Variants in ZNF148 observed in about 807,000 individuals in gnomAD.
ZNF148 encodes zinc finger protein 148, also known as Beta-Enolase Repressor Factor-1.
In ZNF148, 7 loss-of-function variants were observed where a neutral mutation model predicts 67.7. That is an observed-to-expected ratio of 0.10 (90% confidence interval 0.06 to 0.19). The LOEUF is 0.19. ZNF148 is among the 10% of genes least tolerant of loss of function. The pLI is 1.00. For synonymous variants in ZNF148, 333 were observed against 330.7 expected (o/e 1.01, Z -0.08); for missense variants, 583 against 947.1 (o/e 0.62, Z 5.05).
At position 125,262,142 on chromosome 3, in the gene ZNF148, G is replaced by T. The variant is rs376405917; in HGVS notation, c.667+15584C>A. Among the ~76,000 whole-genome samples, 30 of 152,234 alleles carry T rather than the reference G, an allele frequency of 2.0e-4. 4 individuals are homozygous for T. The highest frequency in any genetic ancestry group is 1.4e-3 in the Admixed American group (21 of 15,282). ...TTTTATGCATTTCATCTTTGAAACC[G>T]TCTTGTCACAAAGACAGATACTGAT... On this transcript the variant is annotated intron_variant, in intron 7 of 8. Coordinates refer to ENST00000360647, the MANE Select transcript of ZNF148 (RefSeq NM_021964.3).
rs1341044613 is a variant in ZNF148, at chr3:125,232,530, G to C, written c.2196C>G (p.Pro732=). ...QAYQMSSFEQ[P]FRAPYHGSRA... ...TTGATCCATGATAGGGAGCACGGAA[G>C]GGCTGTTCAAAGGAGCTCATTTGGT... Residue 732 remains proline (P), a synonymous_variant, in exon 9 of 9, where the codon CCC becomes CCG. Coordinates refer to ENST00000360647, the MANE Select transcript of ZNF148 (RefSeq NM_021964.3). This position sits in a 1 kb window ranked among gnomAD's most constrained non-coding sequence, Gnocchi z 4.2. 1 of 1,613,702 alleles carries C rather than the reference G, an allele frequency of 6.2e-7. No individual in the cohort carries two copies. The highest frequency in any genetic ancestry group is 1.1e-5 in the South Asian group (1 of 91,066).
intron 7 of ZNF148, among the ~76,000 whole-genome samples, chr3:125,262,988 ATGTATTT>A (rs1490481538): frequency 3.3e-5 from 5 of 152,240 alleles, no homozygotes; most frequent in Non-Finnish European, 7.3e-5. Context: ...TCTGTTCCAC[ATGTATTT>A]TTTTTCCCAC....
At chr3:125,371,837 GGT>G (rs1942898606) in intron 1 of ZNF148, among the ~76,000 whole-genome samples, 2 of 151,814 alleles carry the variant, frequency 1.3e-5, no homozygotes, top group Non-Finnish European at 2.9e-5. Context: ...GACGGAGGCG[GGT>G]AGATCACGAG....
intron 4 of ZNF148, among the ~76,000 whole-genome samples, chr3:125,306,600 A>G (rs1939891471): frequency 6.6e-6 from 1 of 152,180 alleles, no homozygotes; most frequent in South Asian, 2.1e-4. Context: ...TAAAATTTGT[A>G]ATTTAAAACC....
chr3:125,271,890 C>CT (rs907625030), intron 7 of ZNF148, among the ~76,000 whole-genome samples: 2 of 152,184 alleles, frequency 1.3e-5, no homozygotes, highest in African/African-American at 4.8e-5. Flanking sequence ...CTGCAACTGT[C>CT]TGGGTGTTTG....
chr3:125,329,159 A>C (rs1227360019), intron 2 of ZNF148, among the ~76,000 whole-genome samples: 1 of 150,460 alleles, frequency 6.6e-6, no homozygotes, highest in South Asian at 2.1e-4. Flanking sequence ...ATGAGTAAAG[A>C]AGTGAAAAAT....
chr3:125,328,195 A>C (rs1941112281), intron 2 of ZNF148, among the ~76,000 whole-genome samples: 1 of 152,216 alleles, frequency 6.6e-6, no homozygotes, highest in South Asian at 2.1e-4. Flanking sequence ...TGTCATTCAG[A>C]GATGCTACAA....
chr3:125,251,873 C>T (rs1579620748), intron 7 of ZNF148, among the ~76,000 whole-genome samples: 1 of 152,114 alleles, frequency 6.6e-6, no homozygotes, highest in South Asian at 2.1e-4. Flanking sequence ...CACAGATTAC[C>T]GAAGTGGATG....
At chr3:125,372,739 G>A (rs563577066) in intron 1 of ZNF148, among the ~76,000 whole-genome samples, 62 of 152,260 alleles carry the variant, frequency 4.1e-4, no homozygotes, top group African/African-American at 1.4e-3. Context: ...GGCCAAGGCG[G>A]GTGGATCACT....
Position 125,250,215 on chromosome 3 carries a change from T to A in ZNF148, c.668-15886A>T, listed in dbSNP as rs148067632. Among the ~76,000 whole-genome samples the A allele has an allele frequency of 8.3e-4, 127 of 152,364 alleles. 2 individuals are homozygous for A. The highest frequency in any genetic ancestry group is 2.8e-3 in the African/African-American group (118 of 41,580). On this transcript the variant is annotated intron_variant, in intron 7 of 8. Coordinates refer to ENST00000360647, the MANE Select transcript of ZNF148 (RefSeq NM_021964.3). ...TGATGGTTATGTTCATTAGTTTGAC[T>A]GTGGCAATCACTTCACAATGTATAC... is the stretch of plus-strand genomic sequence containing the variant.
At chr3:125,279,392 T>C in intron 5 of ZNF148, 145 bp from the exon 6 acceptor site, 2 of 698,546 alleles carry the variant, frequency 2.9e-6, no homozygotes, top group Non-Finnish European at 4.3e-6. Context: ...AAAAGACTAT[T>C]AGAATAATGT....
At chr3:125,266,714 CAG>C (rs1937538733) in intron 7 of ZNF148, among the ~76,000 whole-genome samples, 1 of 151,666 alleles carries the variant, frequency 6.6e-6, no homozygotes, top group Non-Finnish European at 1.5e-5. Flanking sequence ...TAAAAGAAAA[CAG>C]AGTAGAAATG....
At chr3:125,252,389 G>A (rs6438887) in intron 7 of ZNF148, among the ~76,000 whole-genome samples, 120,183 of 151,928 alleles carry the variant, frequency 0.79, 48,332 homozygotes, top group African/African-American at 0.92. Context: ...TTTTACCCTC[G>A]TATTTAGATC....
intron 4 of ZNF148, among the ~76,000 whole-genome samples, chr3:125,300,096 T>C (rs953768934): frequency 2.6e-5 from 4 of 152,020 alleles, no homozygotes; most frequent in Non-Finnish European, 1.5e-5. Flanking sequence ...CTCAGCCTCC[T>C]GAGTAGCTGG....
chr3:125,264,483 C>G (rs886301800), intron 7 of ZNF148, among the ~76,000 whole-genome samples: 1 of 152,158 alleles, frequency 6.6e-6, no homozygotes, highest in African/African-American at 2.4e-5. Context: ...AGAAACAGAT[C>G]ATAGTAATTG....
chr3:125,348,958 G>C (rs1275539198), intron 1 of ZNF148, among the ~76,000 whole-genome samples: 1 of 152,138 alleles, frequency 6.6e-6, no homozygotes, highest in African/African-American at 2.4e-5. Context: ...TGATCTTCAA[G>C]AAAGGTGCCA....
In ZNF148 at chr3:125,240,892, T is replaced by C. The variant is rs891635205; in HGVS notation, c.668-6563A>G. On this transcript the variant is annotated intron_variant, in intron 7 of 8. Coordinates refer to ENST00000360647, the MANE Select transcript of ZNF148 (RefSeq NM_021964.3). Reference sequence around the variant, plus strand: ...CCTCCTCCCAACTAAATAGAGCAATTATGATGGCTAACTCAGTCAAAAATG... The same window carrying C: ...CCTCCTCCCAACTAAATAGAGCAATCATGATGGCTAACTCAGTCAAAAATG... 2.0e-4 allele frequency among the ~76,000 whole-genome samples: 31 copies of C among 152,162 alleles called. 1 individual carries two copies. Among genetic ancestry groups the C allele is most frequent in the Admixed American group, 2.0e-3 (31 of 15,280 alleles).
intron 1 of ZNF148, among the ~76,000 whole-genome samples, chr3:125,340,666 C>T (rs1941675296): frequency 6.6e-6 from 1 of 152,168 alleles, no homozygotes; most frequent in South Asian, 2.1e-4. Flanking sequence ...TTAAATAGGG[C>T]CCAGAGCCTC....
At chr3:125,236,805 C>T (rs1282900132) in intron 7 of ZNF148, among the ~76,000 whole-genome samples, 1 of 152,078 alleles carries the variant, frequency 6.6e-6, no homozygotes, top group African/African-American at 2.4e-5. Flanking sequence ...AAAATTAGTA[C>T]AGAATAGCTC....
Sources: gnomAD v4.1 joint callset for allele counts (sites outside exome capture counted in the v4.1 genomes callset) on GRCh38, gnomAD v4.1.1 for gene constraint, Gnocchi (gnomAD v3.1) non-coding constraint, MANE v1.5 for transcripts, NCBI Gene and HGNC (gene_info 2026-07-23, HGNC 2026-07-21) for gene names.